The following MXI1 variants were observed in gnomAD, a reference collection of about 807,000 sequenced individuals.
MXI1 encodes max-interacting protein 1.
Under a neutral mutation model 36.9 loss-of-function variants are expected in MXI1, and 18 were observed. The observed-to-expected ratio is 0.49, with a 90% CI of 0.34 to 0.72. MXI1 has a LOEUF of 0.72. Ranked by LOEUF, MXI1 falls within the 30% of genes least tolerant of loss-of-function variation. The pLI is 0.01. For missense variants in MXI1, 304 were observed against 379.1 expected, an observed-to-expected ratio of 0.80 and a Z score of 1.64; for synonymous variants, 160 against 146.7, an observed-to-expected ratio of 1.09 and a Z score of -0.65.
chr10:110,218,169 G>A (rs553117149), intron 1 of MXI1, among the ~76,000 whole-genome samples: 2 of 152,294 alleles, frequency 1.3e-5, no homozygotes, highest in South Asian at 4.1e-4. Flanking sequence ...GGAATCTGGA[G>A]GCTGGGCACG....
Position 110,286,219 on chromosome 10 carries a change from G to C in MXI1, c.*1232G>C, listed in dbSNP as rs1028415238. 1.3e-5 allele frequency: 2 copies of C among 152,590 alleles called. No homozygotes were observed. Among genetic ancestry groups the C allele is most frequent in the Non-Finnish European group, 2.9e-5 (2 of 68,030 alleles). The allele number at this position is 152,590 out of a possible 1,614,324, so 9.5% of individuals were successfully genotyped here. A position where few individuals can be genotyped will look rare whatever the true frequency, so the allele number is the denominator to read the frequency against. ...AGCACTTGTCTCATTTTAATGTAAA[G>C]ATTTGCTTCCATTTTCCTACAGGCA... On this transcript the variant is annotated 3_prime_UTR_variant, in exon 6 of 6. Coordinates refer to ENST00000332674, the MANE Select transcript of MXI1 (RefSeq NM_130439.3).
At position 110,208,051 on chromosome 10, in the gene MXI1, C is replaced by A; in HGVS notation, c.243C>A (p.Ser81Arg). The change falls in exon 1 of 6, where the codon AGC (serine) becomes AGA (arginine). Residue 81 changes from serine to arginine, a missense_variant. Ser to Arg is a moderately radical substitution (Grantham distance 110, BLOSUM62 -1). Transcript: ENST00000332674. ...TGCAGATTCTGCTCGAGGCCGCCAG[C>A]TACCTGGAGCAGATCGAGAAAGAAA... is the stretch of plus-strand genomic sequence containing the variant. ...QNVQILLEAA[S>R]YLEQIEKENK... 4 of 1,601,358 alleles carry A rather than the reference C, an allele frequency of 2.5e-6. No homozygotes were observed. The highest frequency in any genetic ancestry group is 3.4e-6 in the Non-Finnish European group (4 of 1,173,958).
At position 110,236,124 on chromosome 10, in the gene MXI1, C is replaced by CTTTTT. The variant is rs60576710; in HGVS notation, c.407+7838_407+7842dup. ...AGGGTGTGAAGTAAAGGTTGAAGTT[C>CTTTTT]TTTTTTTTTTTTTTTTTTTTTTTTT... is the stretch of plus-strand genomic sequence containing the variant. On this transcript the variant is annotated intron_variant, in intron 2 of 5. Transcript: ENST00000332674. 2.4e-4 allele frequency among the ~76,000 whole-genome samples: 8 copies of CTTTTT among 33,574 alleles called. 3 individuals carry two copies. The highest frequency in any genetic ancestry group is 4.5e-4 in the Non-Finnish European group (8 of 17,974). The allele number at this position is 33,574 out of a possible 152,430, so 22.0% of individuals were successfully genotyped here.
chr10:110,231,897 A>G (rs1401716916), intron 2 of MXI1, among the ~76,000 whole-genome samples: 1 of 151,830 alleles, frequency 6.6e-6, no homozygotes, highest in Non-Finnish European at 1.5e-5. Context: ...CTTCATTACT[A>G]TCCTCCTAAT....
rs888602835 is a variant in MXI1 at position 110,208,176 on chromosome 10, C to T, written c.274+94C>T. On this transcript the variant is annotated intron_variant, in intron 1 of 5. Transcript: ENST00000332674. Reference sequence around the variant, plus strand: ...TGTTGCGAGCTCGGCCCGTCCCCCCCCCGCCCAACATACACATCCAGCCCT... The same window carrying T: ...TGTTGCGAGCTCGGCCCGTCCCCCCTCCGCCCAACATACACATCCAGCCCT... The T allele has an allele frequency of 5.0e-5, 67 of 1,332,176 alleles. No individual in the cohort carries two copies. In the South Asian group the frequency reaches 5.5e-4, roughly 11 times the overall value. 82.5% of individuals were successfully genotyped at this position (1,332,176 alleles called of 1,614,324 possible). A position where few individuals can be genotyped will look rare whatever the true frequency, so the allele number is the denominator to read the frequency against.
At chr10:110,251,547 G>A (rs1170982337) in intron 3 of MXI1, among the ~76,000 whole-genome samples, 1 of 152,100 alleles carries the variant, frequency 6.6e-6, no homozygotes, top group Non-Finnish European at 1.5e-5. Context: ...AGTGGTCTAT[G>A]TGATCATTTA....
intron 1 of MXI1, chr10:110,226,339 G>A (rs1854966742): frequency 4.2e-6 from 6 of 1,436,316 alleles, no homozygotes; most frequent in Non-Finnish European, 5.5e-6. Context: ...TTTCGGCAGT[G>A]CGGTGCGGCC....
chr10:110,214,574 A>C, intron 1 of MXI1, among the ~76,000 whole-genome samples: 1 of 151,914 alleles, frequency 6.6e-6, no homozygotes, highest in Admixed American at 6.6e-5. Context: ...GGCCACAAAG[A>C]TTTGCATCAG....
chr10:110,225,898 G>A, intron 1 of MXI1: 2 of 594,470 alleles, frequency 3.4e-6, no homozygotes, highest in Non-Finnish European at 4.2e-6. Flanking sequence ...AGCCGCGGGC[G>A]GGTGCGGGAC....
At chr10:110,278,835 T>C (rs2134469559) in intron 3 of MXI1, among the ~76,000 whole-genome samples, 1 of 152,248 alleles carries the variant, frequency 6.6e-6, no homozygotes, top group African/African-American at 2.4e-5. Context: ...CTCTCGCCTG[T>C]GGTTTTAGTT....
intron 1 of MXI1, among the ~76,000 whole-genome samples, chr10:110,227,182 C>T (rs1275391406): frequency 1.3e-5 from 1 of 77,278 alleles, no homozygotes; most frequent in Non-Finnish European, 2.5e-5. Context: ...GAGGGTCGCG[C>T]GTGTGCGGGG....
chr10:110,265,297 A>C (rs1391913053), intron 3 of MXI1, among the ~76,000 whole-genome samples: 1 of 152,238 alleles, frequency 6.6e-6, no homozygotes, highest in Non-Finnish European at 1.5e-5. Flanking sequence ...TTTAGATGAC[A>C]TAACAAGGAA....
intron 1 of MXI1, among the ~76,000 whole-genome samples, chr10:110,224,626 A>T (rs1854907031): frequency 6.8e-6 from 1 of 148,108 alleles, no homozygotes; most frequent in Admixed American, 6.7e-5. Flanking sequence ...ATGAATGAGC[A>T]GTCAGTGGCT....
At chr10:110,208,177 C>A (rs537645821) in intron 1 of MXI1, 95 bp downstream of exon 1, 55 of 1,320,050 alleles carry the variant, frequency 4.2e-5, no homozygotes, top group Middle Eastern at 5.4e-4. Context: ...CGTCCCCCCC[C>A]CGCCCAACAT....
chr10:110,208,420 CTTT>C (rs769093791), intron 1 of MXI1: 21 of 133,886 alleles, frequency 1.6e-4, no homozygotes, highest in South Asian at 1.5e-3. Flanking sequence ...GCTTTTCTTC[CTTT>C]TTTTTTTTTT....
chr10:110,280,941 T>C (rs1217015491), intron 5 of MXI1, among the ~76,000 whole-genome samples: 1 of 152,212 alleles, frequency 6.6e-6, no homozygotes. Flanking sequence ...AGGCTTCATA[T>C]CACATTAAAA....
chr10:110,226,381 C>A, intron 1 of MXI1: 1 of 1,213,838 alleles, frequency 8.2e-7, no homozygotes, highest in Non-Finnish European at 1.0e-6. Context: ...GAGGTGCGCG[C>A]ATGAGGTGAG....
At chr10:110,257,130 G>A (rs1856329234) in intron 3 of MXI1, 1 of 152,086 alleles carries the variant, frequency 6.6e-6, no homozygotes, top group African/African-American at 2.4e-5. Flanking sequence ...TAGAAAACAT[G>A]GAATTGTTCC....
intron 5 of MXI1, among the ~76,000 whole-genome samples, chr10:110,284,056 G>C (rs576545138): frequency 6.6e-6 from 1 of 151,828 alleles, no homozygotes; most frequent in African/African-American, 2.4e-5. Flanking sequence ...GCCTCCCAAA[G>C]TGCTGGGATT....
Sources: gnomAD v4.1 joint callset for allele counts (sites outside exome capture counted in the v4.1 genomes callset) on GRCh38, gnomAD v4.1.1 for gene constraint, MANE v1.5 for transcripts, NCBI Gene and HGNC (gene_info 2026-07-23, HGNC 2026-07-21) for gene names.